The following BORCS5 variants were observed in gnomAD, a reference collection of about 807,000 sequenced individuals.
The protein encoded by BORCS5 is BLOC-1 related complex subunit 5, also known as BLOC-1-related complex subunit 5.
In BORCS5, 17 loss-of-function variants were observed where a neutral mutation model predicts 22.1. That is an observed-to-expected ratio of 0.77 (90% confidence interval 0.53 to 1.15). BORCS5 has a LOEUF of 1.15. BORCS5 is among the 50% of genes most tolerant of loss of function. The pLI is 0.00. For missense variants in BORCS5, 247 were observed against 253.2 expected, an observed-to-expected ratio of 0.98 and a Z score of 0.17; for synonymous variants, 117 against 99.8, an observed-to-expected ratio of 1.17 and a Z score of -1.03.
At position 12,364,301 on chromosome 12, in the gene BORCS5, G is replaced by A. The variant is rs540937914; in HGVS notation, c.202+2952G>A. ...TGAGGCACAAGAATCGCTTGAACCC[G>A]GGAGGCAGAGGTTGCAGTGAGCCAA... On this transcript the variant is annotated intron_variant, in intron 2 of 3. Transcript: ENST00000314565. Among the ~76,000 whole-genome samples, 222 of 152,086 alleles carry A rather than the reference G, an allele frequency of 1.5e-3. 3 individuals carry two copies. Among genetic ancestry groups the A allele is most frequent in the African/African-American group, 3.9e-3 (163 of 41,496 alleles).
At chr12:12,388,066 T>C (rs1051722914) in intron 2 of BORCS5, among the ~76,000 whole-genome samples, 1 of 151,460 alleles carries the variant, frequency 6.6e-6, no homozygotes, top group African/African-American at 2.4e-5. Context: ...TGCTATCTCA[T>C]ATGCGATTAG....
chr12:12,423,124 C>T (rs1272746278), intron 2 of BORCS5, among the ~76,000 whole-genome samples: 1 of 152,038 alleles, frequency 6.6e-6, no homozygotes, highest in Non-Finnish European at 1.5e-5. Context: ...GCCTCAGCCT[C>T]CCAAGTAGCT....
chr12:12,373,981 CTTTTTTTTT>C (rs926893487), intron 2 of BORCS5, among the ~76,000 whole-genome samples: 18 of 89,790 alleles, frequency 2.0e-4, no homozygotes, highest in East Asian at 3.2e-4. Flanking sequence ...AGAGAGTATT[CTTTTTTTTT>C]TTTTTTTTTT....
At chr12:12,358,986 T>C (rs1863213021) in intron 1 of BORCS5, among the ~76,000 whole-genome samples, 1 of 152,154 alleles carries the variant, frequency 6.6e-6, no homozygotes. Flanking sequence ...GATTAACCTT[T>C]GAGATATGAC....
chr12:12,470,510 C>CG lies in BORCS5; in HGVS notation c.*4735dup, dbSNP rs1426712553. On this transcript the variant is annotated 3_prime_UTR_variant, in exon 4 of 4. Coordinates refer to ENST00000314565, the MANE Select transcript of BORCS5 (RefSeq NM_058169.6). ...GCGCACGTGAAGGATCTAGGTTTTG[C>CG]GCTCCTTATGAGAATCTAATGCCTG... is the stretch of plus-strand genomic sequence containing the variant. 1.3e-5 allele frequency among the ~76,000 whole-genome samples: 2 copies of CG among 152,072 alleles called. No individual in the cohort carries two copies. Among genetic ancestry groups the CG allele is most frequent in the Non-Finnish European group, 2.9e-5 (2 of 68,026 alleles).
chr12:12,438,841 GA>G (rs1942621376), intron 3 of BORCS5, among the ~76,000 whole-genome samples: 1 of 152,028 alleles, frequency 6.6e-6, no homozygotes, highest in Non-Finnish European at 1.5e-5. Context: ...AAAAGTGAAG[GA>G]TTCTTTTAAA....
At chr12:12,447,934 C>T (rs1942823743) in intron 3 of BORCS5, among the ~76,000 whole-genome samples, 1 of 152,186 alleles carries the variant, frequency 6.6e-6, no homozygotes. Context: ...TCTGTGGAGG[C>T]TTCTCCAGCC....
intron 2 of BORCS5, among the ~76,000 whole-genome samples, chr12:12,382,919 G>A (rs1316736663): frequency 6.6e-6 from 1 of 151,156 alleles, no homozygotes; most frequent in East Asian, 1.9e-4. Context: ...CATATAGTTG[G>A]ATCTTGATGT....
chr12:12,465,052 G>C (rs1943173644), intron 3 of BORCS5, among the ~76,000 whole-genome samples: 1 of 152,082 alleles, frequency 6.6e-6, no homozygotes, highest in African/African-American at 2.4e-5. Flanking sequence ...GCTCACTGCA[G>C]CTTCGACCTT....
In BORCS5 at chr12:12,357,388, CGCCCGCCGCCGGAGCGGTGACCGCCCG is replaced by C; in HGVS notation, c.-55_-29del. 1 of 1,574,768 alleles carries C rather than the reference CGCCCGCCGCCGGAGCGGTGACCGCCCG, an allele frequency of 6.4e-7. No homozygotes were observed. Among genetic ancestry groups the C allele is most frequent in the Non-Finnish European group, 8.6e-7 (1 of 1,156,404 alleles). On this transcript the variant is annotated 5_prime_UTR_variant, in exon 1 of 4. Transcript: ENST00000314565. Reference sequence around the variant, plus strand: ...TCCCGGTCCCTGGCCCCTGCCCTGTCGCCCGCCGCCGGAGCGGTGACCGCCCGGCCCGCCGTTCTTCTGCTGCCACCG... The same window carrying C: ...TCCCGGTCCCTGGCCCCTGCCCTGTCGCCCGCCGTTCTTCTGCTGCCACCG...
intron 2 of BORCS5, among the ~76,000 whole-genome samples, chr12:12,410,847 TCCTA>T (rs1195964468): frequency 6.6e-6 from 1 of 152,234 alleles, no homozygotes; most frequent in Non-Finnish European, 1.5e-5. Flanking sequence ...TACTGATTCT[TCCTA>T]CCCATGAGCA....
intron 3 of BORCS5, among the ~76,000 whole-genome samples, chr12:12,465,319 C>T (rs954376273): frequency 2.0e-5 from 3 of 152,140 alleles, no homozygotes; most frequent in Non-Finnish European, 2.9e-5. Context: ...ATTCCCAGAA[C>T]ATAGAGCCAG....
intron 2 of BORCS5, among the ~76,000 whole-genome samples, chr12:12,370,680 T>C (rs2136028135): frequency 6.6e-6 from 1 of 152,286 alleles, no homozygotes; most frequent in Middle Eastern, 3.4e-3. Context: ...TCTGTTATTA[T>C]CATTATTTCT....
At chr12:12,411,389 T>C (rs766657992) in intron 2 of BORCS5, among the ~76,000 whole-genome samples, 7 of 152,184 alleles carry the variant, frequency 4.6e-5, no homozygotes, top group Non-Finnish European at 1.0e-4. Context: ...GTATCTCTTA[T>C]TTGGAGAAAT....
chr12:12,432,308 T>A (rs879689738), intron 2 of BORCS5, among the ~76,000 whole-genome samples: 2 of 152,194 alleles, frequency 1.3e-5, no homozygotes, highest in South Asian at 2.1e-4. Flanking sequence ...CAATTTCGGA[T>A]TGACAGCAAA....
intron 3 of BORCS5, among the ~76,000 whole-genome samples, chr12:12,444,877 A>G (rs944702505): frequency 3.3e-5 from 5 of 152,254 alleles, no homozygotes; most frequent in Non-Finnish European, 7.3e-5. Context: ...GCCACATTGG[A>G]AGAATTGTCT....
rs1266897627 is a variant in BORCS5 at position 12,469,196 on chromosome 12, A to G, written c.*3420A>G. The stretch of plus-strand genomic sequence containing the variant: ...GGTGAAACCCCATCTCTACTAAAAA[A>G]AATACAGAAATTACCCGGGCATGGT... On this transcript the variant is annotated 3_prime_UTR_variant, in exon 4 of 4. Transcript: ENST00000314565. 1 of 152,188 alleles carries G rather than the reference A, an allele frequency of 6.6e-6. No homozygotes were observed. Among genetic ancestry groups the G allele is most frequent in the Non-Finnish European group, 1.5e-5 (1 of 68,058 alleles). 9.4% of individuals were successfully genotyped at this position (152,188 alleles called of 1,614,324 possible). A position where few individuals can be genotyped will look rare whatever the true frequency, so the allele number is the denominator to read the frequency against.
In BORCS5 at chr12:12,435,610, T is replaced by G. The variant is rs751295880; in HGVS notation, c.203-18T>G. ...TAGCAGTAATTTTAATTTCATTTCA[T>G]TTTTTTCTCCTTTGAAGGGCTATTG... On this transcript the variant is annotated intron_variant, in intron 2 of 3. Coordinates refer to ENST00000314565, the MANE Select transcript of BORCS5 (RefSeq NM_058169.6). The G allele has an allele frequency of 2.0e-5, 32 of 1,586,156 alleles. No individual in the cohort carries two copies. Among genetic ancestry groups the G allele is most frequent in the African/African-American group, 2.7e-5 (2 of 73,520 alleles).
At chr12:12,362,636 C>CTTTTTTTTTTTTTTTTT (rs71436712) in intron 2 of BORCS5, among the ~76,000 whole-genome samples, 1 of 57,554 alleles carries the variant, frequency 1.7e-5, no homozygotes, top group African/African-American at 5.5e-5. Context: ...TGTTACTCAT[C>CTTTTTTTTTTTTTTTTT]TTTTTTTTTT....
Sources: allele counts gnomAD v4.1 joint callset (sites outside exome capture counted in the v4.1 genomes callset), GRCh38; gene constraint gnomAD v4.1.1; transcripts MANE v1.5; gene names NCBI Gene and HGNC (gene_info 2026-07-23, HGNC 2026-07-21).